The following MAF variants were observed in gnomAD, a reference collection of about 807,000 sequenced individuals.
MAF encodes transcription factor Maf.
In MAF, 10 loss-of-function variants were observed where a neutral mutation model predicts 22.0. The observed-to-expected ratio is 0.45, with a 90% confidence interval of 0.28 to 0.77. MAF has a LOEUF of 0.77. MAF is among the 30% of genes least tolerant of loss of function. The pLI, the probability that MAF is intolerant of heterozygous loss-of-function variation, is 0.12. For missense variants in MAF, 544 were observed against 548.4 expected (o/e 0.99, Z 0.08); for synonymous variants, 337 against 255.8 (o/e 1.32, Z -3.03).
At chr16:79,295,429 G>C in the MAF span, among the ~76,000 whole-genome samples, 90 of 152,326 alleles carry the variant, frequency 5.9e-4, no homozygotes, top group African/African-American at 2.1e-3. Context: ...TACAGAGAAA[G>C]CCAGATTGGT....
chr16:79,261,257 A>G, the MAF span, among the ~76,000 whole-genome samples: 1 of 152,112 alleles, frequency 6.6e-6, no homozygotes, highest in African/African-American at 2.4e-5. Flanking sequence ...GGTTCAAGAG[A>G]TTCTCCCGCT....
the MAF span, among the ~76,000 whole-genome samples, chr16:79,232,038 C>T: frequency 6.6e-6 from 1 of 151,956 alleles, no homozygotes; most frequent in African/African-American, 2.4e-5. Flanking sequence ...AATGCCACCG[C>T]TGATAGGACA....
chr16:79,480,694 G>T, the MAF span, among the ~76,000 whole-genome samples: 112 of 152,320 alleles, frequency 7.4e-4, no homozygotes, highest in African/African-American at 2.0e-3. Flanking sequence ...GCATTGGACA[G>T]GGATGGCCTG....
the MAF span, among the ~76,000 whole-genome samples, chr16:79,372,746 C>A: frequency 6.6e-6 from 1 of 152,198 alleles, no homozygotes; most frequent in African/African-American, 2.4e-5. Context: ...TGATACTTTA[C>A]ATGGCCTACA....
the MAF span, among the ~76,000 whole-genome samples, chr16:79,410,908 G>A: frequency 1.3e-5 from 2 of 152,214 alleles, no homozygotes; most frequent in Non-Finnish European, 2.9e-5. Context: ...ACCTGACAAT[G>A]AAGGACCTTA....
At chr16:79,229,137 AC>A in the MAF span, among the ~76,000 whole-genome samples, 104,671 of 150,412 alleles carry the variant, frequency 0.7, 37,474 homozygotes, top group Non-Finnish European at 0.78. Flanking sequence ...TCAAACATAG[AC>A]CCCCCCCAAC....
the MAF span, among the ~76,000 whole-genome samples, chr16:79,380,086 T>C: frequency 2.6e-5 from 4 of 152,214 alleles, no homozygotes; most frequent in African/African-American, 9.6e-5. Context: ...TGCACAGTAC[T>C]GCCTAAACAT....
the MAF span, among the ~76,000 whole-genome samples, chr16:79,217,639 G>C: frequency 2.0e-5 from 3 of 152,138 alleles, no homozygotes; most frequent in Non-Finnish European, 1.5e-5. Context: ...ACCCAAACAG[G>C]AAGAGTAGGC....
the MAF span, among the ~76,000 whole-genome samples, chr16:79,266,653 C>G: frequency 5.3e-5 from 8 of 152,148 alleles, no homozygotes; most frequent in Admixed American, 2.0e-4. Context: ...AAGCTTCAAC[C>G]AGCTTCTTCA....
At chr16:79,279,537 C>T in the MAF span, among the ~76,000 whole-genome samples, 48 of 152,086 alleles carry the variant, frequency 3.2e-4, no homozygotes, top group Admixed American at 3.1e-3. Flanking sequence ...ACAGAGATGC[C>T]CACTGCAGGT....
the MAF span, among the ~76,000 whole-genome samples, chr16:79,352,440 T>C: frequency 1.4e-4 from 21 of 152,122 alleles, no homozygotes; most frequent in Non-Finnish European, 2.6e-4. Context: ...TTATGAGCTG[T>C]GGGAATTTGG....
the MAF span, among the ~76,000 whole-genome samples, chr16:79,420,589 T>A: frequency 7.2e-5 from 11 of 152,074 alleles, no homozygotes; most frequent in African/African-American, 2.7e-4. Context: ...ACCAGAGTGG[T>A]GCATTGGCCA....
At chr16:79,473,076 G>C in the MAF span, among the ~76,000 whole-genome samples, 3 of 152,144 alleles carry the variant, frequency 2.0e-5, no homozygotes, top group East Asian at 5.8e-4. Context: ...AAAGTAGAGT[G>C]AGGGGACATG....
At chr16:79,249,531 G>C in the MAF span, among the ~76,000 whole-genome samples, 1 of 151,912 alleles carries the variant, frequency 6.6e-6, no homozygotes, top group East Asian at 1.9e-4. Context: ...CACCAAATCT[G>C]CTGCAACCTG....
the MAF span, among the ~76,000 whole-genome samples, chr16:79,224,257 A>C: frequency 6.6e-6 from 1 of 152,208 alleles, no homozygotes; most frequent in Non-Finnish European, 1.5e-5. Context: ...GGATGATAAA[A>C]ACCACATGAT....
chr16:79,217,410 T>A, the MAF span, among the ~76,000 whole-genome samples: 1 of 152,350 alleles, frequency 6.6e-6, no homozygotes, highest in East Asian at 1.9e-4. Flanking sequence ...GTTGATTTCC[T>A]ATTTAAGAAT....
At chr16:79,362,135 T>G in the MAF span, among the ~76,000 whole-genome samples, 2 of 152,222 alleles carry the variant, frequency 1.3e-5, no homozygotes, top group Admixed American at 6.5e-5. Context: ...AATGGTGCTA[T>G]TCACAGTGCT....
chr16:79,393,114 G>T, the MAF span, among the ~76,000 whole-genome samples: 8 of 152,224 alleles, frequency 5.3e-5, no homozygotes, highest in Non-Finnish European at 1.0e-4. Flanking sequence ...ATGCAGAGAG[G>T]ATGTTGATTA....
chr16:79,585,722 A>G (rs1443861227), downstream of MAF: 2 of 559,256 alleles, frequency 3.6e-6, no homozygotes, highest in East Asian at 6.0e-5. Flanking sequence ...GACACGTGAA[A>G]CCCAAATACT....
Sources: gnomAD v4.1 joint callset for allele counts (sites outside exome capture counted in the v4.1 genomes callset) on GRCh38, gnomAD v4.1.1 for gene constraint, MANE v1.5 for transcripts, NCBI Gene and HGNC (gene_info 2026-07-23, HGNC 2026-07-21) for gene names.